Variants in WWOX observed in about 807,000 individuals in gnomAD.
WWOX encodes the protein WW domain-containing oxidoreductase.
Under a neutral mutation model 46.2 loss-of-function variants are expected in WWOX, and 69 were observed. The observed-to-expected ratio is 1.49, with a 90% CI of 1.23 to 1.82. The LOEUF is 1.82. WWOX is among the 40% of genes most tolerant of loss of function. The pLI, the probability that WWOX is intolerant of heterozygous loss-of-function variation, is 0.00. For synonymous variants in WWOX, 359 were observed against 202.6 expected (o/e 1.77, Z -6.56); for missense variants, 919 against 542.6 (o/e 1.69, Z -6.89).
At chr16:78,911,501 G>A (rs2151256071) in intron 8 of WWOX, among the ~76,000 whole-genome samples, 1 of 152,078 alleles carries the variant, frequency 6.6e-6, no homozygotes, top group Admixed American at 6.6e-5. Context: ...TATAAGGAGA[G>A]AAATGGACAA....
chr16:79,208,621 T>G (rs1399667033), intron 8 of WWOX, among the ~76,000 whole-genome samples: 2 of 119,012 alleles, frequency 1.7e-5, no homozygotes, highest in African/African-American at 3.6e-5. Context: ...GTGATTAAAG[T>G]GCTCTTTAAA....
rs1341456186 is a variant in WWOX, at chr16:79,028,228, C to T, written c.1057-183380C>T. 6.6e-5 allele frequency among the ~76,000 whole-genome samples: 10 copies of T among 151,804 alleles called. No homozygotes were observed. In the East Asian group the frequency reaches 1.5e-3, roughly 23 times the overall value. On this transcript the variant is annotated intron_variant, in intron 8 of 8. Coordinates refer to ENST00000566780, the MANE Select transcript of WWOX (RefSeq NM_016373.4). ...CCTCCCAAAGTGCTGGGATTACAGG[C>T]GTGAGCCACCACGCCCGACTGCTTT... is the stretch of plus-strand genomic sequence containing the variant.
At chr16:79,190,320 C>A (rs922050118) in intron 8 of WWOX, among the ~76,000 whole-genome samples, 1 of 152,082 alleles carries the variant, frequency 6.6e-6, no homozygotes, top group Non-Finnish European at 1.5e-5. Context: ...CCACCGTGCC[C>A]GGCCTCATAT....
At chr16:78,131,048 A>G (rs759346912) in intron 4 of WWOX, among the ~76,000 whole-genome samples, 13 of 152,240 alleles carry the variant, frequency 8.5e-5, no homozygotes, top group Admixed American at 2.0e-4. Flanking sequence ...TCATAACACA[A>G]TGGTAAGTAT....
chr16:78,689,675 C>T (rs942231344), intron 8 of WWOX, among the ~76,000 whole-genome samples: 7 of 152,120 alleles, frequency 4.6e-5, no homozygotes, highest in South Asian at 2.1e-4. Flanking sequence ...AATTTGCATC[C>T]ACTGACCCTC....
chr16:79,100,537 C>T (rs2049170858), intron 8 of WWOX, among the ~76,000 whole-genome samples: 1 of 152,158 alleles, frequency 6.6e-6, no homozygotes, highest in South Asian at 2.1e-4. Context: ...CCGTTAGTTC[C>T]AGGCTGTGCT....
chr16:78,756,466 G>A (rs759730464), intron 8 of WWOX, among the ~76,000 whole-genome samples: 14 of 152,116 alleles, frequency 9.2e-5, no homozygotes, highest in Non-Finnish European at 1.6e-4. Context: ...AGATTGATTA[G>A]GCAATAGTTT....
At chr16:78,691,231 T>G (rs1200196520) in intron 8 of WWOX, 6 of 702,168 alleles carry the variant, frequency 8.5e-6, no homozygotes, top group Non-Finnish European at 1.6e-5. Flanking sequence ...TTCTCTTGTT[T>G]GTGATTCCAG....
chr16:78,437,208 C>G (rs1041593102), intron 8 of WWOX, among the ~76,000 whole-genome samples: 1 of 152,204 alleles, frequency 6.6e-6, no homozygotes, highest in Non-Finnish European at 1.5e-5. Context: ...CAGCAGTATT[C>G]TAATATCAAC....
At chr16:78,122,903 G>A (rs1381077863) in intron 4 of WWOX, among the ~76,000 whole-genome samples, 1 of 151,922 alleles carries the variant, frequency 6.6e-6, no homozygotes, top group Admixed American at 6.6e-5. Context: ...CCATGCCCGG[G>A]GGTGTTGTAC....
At chr16:78,428,024 C>A (rs1017573923) in intron 7 of WWOX, among the ~76,000 whole-genome samples, 2 of 150,474 alleles carry the variant, frequency 1.3e-5, no homozygotes, top group Admixed American at 1.3e-4. Flanking sequence ...GTGGAGATTG[C>A]ACCAGTGCAC....
At chr16:78,474,751 A>G (rs1597136652) in intron 8 of WWOX, among the ~76,000 whole-genome samples, 1 of 152,044 alleles carries the variant, frequency 6.6e-6, no homozygotes, top group East Asian at 1.9e-4. Context: ...ACTCTTCCCC[A>G]GCCTCTGCGA....
chr16:79,019,188 A>AAAAAAAAAG (rs2047481088), intron 8 of WWOX, among the ~76,000 whole-genome samples: 22 of 60,932 alleles, frequency 3.6e-4, no homozygotes, highest in African/African-American at 5.4e-4. Flanking sequence ...AAAAAAAAGA[A>AAAAAAAAAG]AAAAAAAAGT....
chr16:78,654,996 T>C (rs2142154634), intron 8 of WWOX, among the ~76,000 whole-genome samples: 1 of 152,298 alleles, frequency 6.6e-6, no homozygotes, highest in African/African-American at 2.4e-5. Flanking sequence ...CACATCCAAA[T>C]GTCTGAGTTT....
intron 8 of WWOX, among the ~76,000 whole-genome samples, chr16:79,024,104 G>C (rs1182872527): frequency 1.3e-5 from 2 of 152,212 alleles, no homozygotes; most frequent in African/African-American, 4.8e-5. Context: ...CTGGGAAAGA[G>C]GGGACTAGAG....
At chr16:78,243,660 C>T (rs888080567) in intron 5 of WWOX, among the ~76,000 whole-genome samples, 2 of 152,160 alleles carry the variant, frequency 1.3e-5, no homozygotes, top group South Asian at 4.1e-4. Context: ...GATTCTTGTG[C>T]CTCAGCCTCC....
intron 8 of WWOX, among the ~76,000 whole-genome samples, chr16:78,853,905 T>A (rs1014527981): frequency 6.6e-6 from 1 of 152,362 alleles, no homozygotes; most frequent in Admixed American, 6.5e-5. Context: ...GACATTGATG[T>A]AATTTAAAAT....
chr16:78,973,346 G>T (rs2046509163), intron 8 of WWOX, among the ~76,000 whole-genome samples: 1 of 152,114 alleles, frequency 6.6e-6, no homozygotes, highest in Non-Finnish European at 1.5e-5. Context: ...ACTGGGGAAG[G>T]TGATAAAAGG....
chr16:78,634,809 C>G (rs1470949687), intron 8 of WWOX, among the ~76,000 whole-genome samples: 1 of 113,968 alleles, frequency 8.8e-6, no homozygotes, highest in Non-Finnish European at 1.9e-5. Context: ...CAGCACCCGA[C>G]TGGAGAGAGA....
Sources: allele counts gnomAD v4.1 joint callset (sites outside exome capture counted in the v4.1 genomes callset), GRCh38; gene constraint gnomAD v4.1.1; transcripts MANE v1.5; gene names NCBI Gene and HGNC (gene_info 2026-07-23, HGNC 2026-07-21).